The following OR4N5 variants were observed in gnomAD, a reference collection of about 807,000 sequenced individuals.
OR4N5 encodes the protein olfactory receptor family 4 subfamily N member 5, also known as olfactory receptor 4N5.
For missense variants in OR4N5, 428 were observed against 370.0 expected, an observed-to-expected ratio of 1.16 and a Z score of -1.29; for synonymous variants, 155 against 140.6, an observed-to-expected ratio of 1.10 and a Z score of -0.72.
Position 20,144,823 on chromosome 14 carries a change from A to G in OR4N5, c.*161A>G, listed in dbSNP as rs991234972. 6 of 594,800 alleles carry G rather than the reference A, an allele frequency of 1.0e-5. No homozygotes were observed. The highest frequency in any genetic ancestry group is 1.8e-5 in the Non-Finnish European group (6 of 337,730). The allele number at this position is 594,800 out of a possible 1,614,324, so 36.8% of individuals were successfully genotyped here. The stretch of plus-strand genomic sequence containing the variant: ...TTCCAGGCATATGAATGAGACAGGT[A>G]AGATTCCAGGTCTCCTAGATTTATA... On this transcript the variant is annotated 3_prime_UTR_variant, in exon 3 of 3. Coordinates refer to ENST00000641086, the MANE Select transcript of OR4N5 (RefSeq NM_001004724.2).
At chr14:20,139,939 A>C (rs1268611074) in intron 1 of OR4N5, among the ~76,000 whole-genome samples, 1 of 152,168 alleles carries the variant, frequency 6.6e-6, no homozygotes, top group Non-Finnish European at 1.5e-5. Flanking sequence ...AGTTAAAAAC[A>C]GACAAAACAT....
Position 20,144,864 on chromosome 14 carries a change from A to G in OR4N5, c.*202A>G, listed in dbSNP as rs1424186780. 3.6e-6 allele frequency: 2 copies of G among 549,098 alleles called. No individual in the cohort carries two copies. The highest frequency in any genetic ancestry group is 6.4e-6 in the Non-Finnish European group (2 of 311,224). 34.0% of individuals were successfully genotyped at this position (549,098 alleles called of 1,614,324 possible). On this transcript the variant is annotated 3_prime_UTR_variant, in exon 3 of 3. Coordinates refer to ENST00000641086, the MANE Select transcript of OR4N5 (RefSeq NM_001004724.2). Reference sequence around the variant, plus strand: ...TAGATTTATATTCAAGGGGATAAATACAGGTTATTAGATTTATTCAAGGGG... The same window carrying G: ...TAGATTTATATTCAAGGGGATAAATGCAGGTTATTAGATTTATTCAAGGGG...
intron 2 of OR4N5, among the ~76,000 whole-genome samples, chr14:20,142,125 T>C (rs1386228227): frequency 2.0e-5 from 3 of 151,980 alleles, no homozygotes; most frequent in Non-Finnish European, 2.9e-5. Context: ...ATCACAAATA[T>C]ATATATATAT....
rs1195267376 is a variant in OR4N5, at chr14:20,141,011, GAAGA to G, written c.-209_-206del. The G allele has an allele frequency of 6.6e-6, 1 of 152,096 alleles. No homozygotes were observed. The highest frequency in any genetic ancestry group is 1.5e-5 in the Non-Finnish European group (1 of 68,018). 9.4% of individuals were successfully genotyped at this position (152,096 alleles called of 1,614,324 possible). A position where few individuals can be genotyped will look rare whatever the true frequency, so the allele number is the denominator to read the frequency against. On this transcript the variant is annotated 5_prime_UTR_variant, in exon 2 of 3. An upstream open reading frame in the 5' UTR loses its in-frame stop. Coordinates refer to ENST00000641086, the MANE Select transcript of OR4N5 (RefSeq NM_001004724.2). ...GGTACATAAATGAGGACAAAGGAAA[GAAGA>G]AAAGTGGATTAAAGATGTTGAGTAA...
chr14:20,139,265 G>A (rs1387776091), intron 1 of OR4N5, among the ~76,000 whole-genome samples: 4 of 152,076 alleles, frequency 2.6e-5, no homozygotes, highest in African/African-American at 9.7e-5. Context: ...GGGAGGAAGA[G>A]TGAAGGAATC....
rs1340218438 is a variant in OR4N5, at chr14:20,144,778, C to T, written c.*116C>T. The T allele has an allele frequency of 3.0e-6, 2 of 675,318 alleles. No individual in the cohort carries two copies. Among genetic ancestry groups the T allele is most frequent in the East Asian group, 2.7e-5 (1 of 37,002 alleles). 41.8% of individuals were successfully genotyped at this position (675,318 alleles called of 1,614,324 possible). On this transcript the variant is annotated 3_prime_UTR_variant, in exon 3 of 3. Coordinates refer to ENST00000641086, the MANE Select transcript of OR4N5 (RefSeq NM_001004724.2). ...TAGCAAGTATTATAATTATTAAGTA[C>T]TTCCCATTTTCAGGCACTATTCCAG...
rs1878663006 is a variant in OR4N5, at chr14:20,143,746, A to G, written c.11A>G (p.Gln4Arg). The change falls in exon 3 of 3, where the codon CAG becomes CGG. Residue 4 changes from glutamine (Q) to arginine (R), a missense_variant. By Grantham distance (43) the Gln-to-Arg change is conservative (BLOSUM62 1). Coordinates refer to ENST00000641086, the MANE Select transcript of OR4N5 (RefSeq NM_001004724.2). ...GCAGAGTGAGAAATTATGGAAACAC[A>G]GAACCTCACAGTGGTGACAGAATTC... is the stretch of plus-strand genomic sequence containing the variant. METQNLTVVTEFIL... is the reference protein window; with the variant it reads METRNLTVVTEFIL... The G allele has an allele frequency of 6.2e-7, 1 of 1,604,718 alleles. No homozygotes were observed.
rs1207709533 is a variant in OR4N5 at position 20,144,583 on chromosome 14, A to G, written c.848A>G (p.Asn283Ser). The change falls in exon 3 of 3, where the codon AAC becomes AGC. Residue 283 changes from asparagine to serine, a missense_variant. Asn to Ser is a conservative substitution (Grantham distance 46). Transcript: ENST00000641086. ...CATACTGTCATCTTTCCTTTGATGA[A>G]CCCTGTTATTTATACGCTTCGCAAC... The part of the protein sequence containing the change: ...LFHTVIFPLM[N>S]PVIYTLRNQE... 3.7e-6 allele frequency: 6 copies of G among 1,613,756 alleles called. No individual in the cohort carries two copies. In the East Asian group the frequency reaches 6.7e-5, roughly 18 times the overall value.
intron 1 of OR4N5, among the ~76,000 whole-genome samples, chr14:20,139,259 G>A (rs1299302338): frequency 6.6e-6 from 1 of 152,052 alleles, no homozygotes; most frequent in African/African-American, 2.4e-5. Flanking sequence ...GGTAAAGGGA[G>A]GAAGAGTGAA....
rs1365891216 is a variant in OR4N5 at position 20,144,411 on chromosome 14, A to G, written c.676A>G (p.Arg226Gly). ...ASYAVILCRIREHSSEGKSKA... is the reference protein window; with the variant it reads ...ASYAVILCRIGEHSSEGKSKA... ...CTATGCAGTCATCCTCTGTCGTATA[A>G]GGGAGCACTCCTCTGAAGGAAAGAG... is the stretch of plus-strand genomic sequence containing the variant. Residue 226 changes from arginine to glycine, a missense_variant, in exon 3 of 3, where the codon AGG becomes GGG. Coordinates refer to ENST00000641086, the MANE Select transcript of OR4N5 (RefSeq NM_001004724.2). 1 of 1,613,870 alleles carries G rather than the reference A, an allele frequency of 6.2e-7. No individual in the cohort carries two copies. Among genetic ancestry groups the G allele is most frequent in the Non-Finnish European group, 8.5e-7 (1 of 1,179,962 alleles).
chr14:20,139,226 T>C (rs1878568908), intron 1 of OR4N5, among the ~76,000 whole-genome samples: 1 of 152,164 alleles, frequency 6.6e-6, no homozygotes, highest in Non-Finnish European at 1.5e-5. Context: ...AAATGACTGA[T>C]TTCATCTTTA....
At chr14:20,139,419 T>C (rs553238653) in intron 1 of OR4N5, among the ~76,000 whole-genome samples, 2 of 152,148 alleles carry the variant, frequency 1.3e-5, no homozygotes, top group East Asian at 3.9e-4. Flanking sequence ...AGGCTCAGAG[T>C]TAGCAATCCT....
At chr14:20,142,984 G>A (rs1337870394) in intron 2 of OR4N5, among the ~76,000 whole-genome samples, 1 of 152,208 alleles carries the variant, frequency 6.6e-6, no homozygotes, top group Non-Finnish European at 1.5e-5. Context: ...TGAAGAAGAA[G>A]TAGGTTATAG....
At position 20,144,714 on chromosome 14, in the gene OR4N5, A is replaced by T. The variant is rs563724545; in HGVS notation, c.*52A>T. 5 of 1,178,610 alleles carry T rather than the reference A, an allele frequency of 4.2e-6. No homozygotes were observed. In the East Asian group the frequency reaches 1.2e-4, roughly 28 times the overall value. 73.0% of individuals were successfully genotyped at this position (1,178,610 alleles called of 1,614,324 possible). A position where few individuals can be genotyped will look rare whatever the true frequency, so the allele number is the denominator to read the frequency against. On this transcript the variant is annotated 3_prime_UTR_variant, in exon 3 of 3. Transcript: ENST00000641086. ...GAGAAAGTCCAGTTGAATTTAGCTA[A>T]ATCATTTCCTCATTCATGCATTGAA...
chr14:20,141,381 C>T (rs999078198), intron 2 of OR4N5, among the ~76,000 whole-genome samples, 170 bp downstream of exon 2: 4 of 152,082 alleles, frequency 2.6e-5, no homozygotes, highest in African/African-American at 4.8e-5. Context: ...TTTCGGTTTT[C>T]TTAGATTCAC....
intron 1 of OR4N5, 104 bp from the exon 2 acceptor site, chr14:20,140,739 T>C (rs1051366517): frequency 6.6e-6 from 1 of 152,192 alleles, no homozygotes; most frequent in Non-Finnish European, 1.5e-5. Flanking sequence ...TCTATACGTA[T>C]ATATATATCT....
At position 20,143,755 on chromosome 14, in the gene OR4N5, C is replaced by T; in HGVS notation, c.20C>T (p.Thr7Ile). Residue 7 changes from threonine to isoleucine, a missense_variant, in exon 3 of 3, where the codon ACA becomes ATA. Transcript: ENST00000641086. ...GAAATTATGGAAACACAGAACCTCACAGTGGTGACAGAATTCATTCTTCTT... is the reference window on the plus strand; with the variant it reads ...GAAATTATGGAAACACAGAACCTCATAGTGGTGACAGAATTCATTCTTCTT... METQNLTVVTEFILLGL... is the reference protein window; with the variant it reads METQNLIVVTEFILLGL... The T allele has an allele frequency of 6.2e-7, 1 of 1,610,652 alleles. No individual in the cohort carries two copies. Among genetic ancestry groups the T allele is most frequent in the South Asian group, 1.1e-5 (1 of 90,596 alleles).
Position 20,144,408 on chromosome 14 carries a change from A to G in OR4N5, c.673A>G (p.Ile225Val). Reference protein sequence around the residue: ...LASYAVILCRIREHSSEGKSK... With the variant: ...LASYAVILCRVREHSSEGKSK... ...CTCCTATGCAGTCATCCTCTGTCGT[A>G]TAAGGGAGCACTCCTCTGAAGGAAA... is the stretch of plus-strand genomic sequence containing the variant. Residue 225 changes from isoleucine (I) to valine (V), a missense_variant, in exon 3 of 3, where the codon ATA becomes GTA. Physicochemically the swap from Ile to Val is conservative, Grantham distance 29. Transcript: ENST00000641086. The G allele has an allele frequency of 1.9e-6, 3 of 1,614,044 alleles. No homozygotes were observed. The highest frequency in any genetic ancestry group is 2.5e-6 in the Non-Finnish European group (3 of 1,179,968).
chr14:20,143,997 G>T lies in OR4N5; in HGVS notation c.262G>T (p.Glu88Ter). Residue 88 changes from glutamate (E) to a stop codon, truncating the protein, a stop_gained, in exon 3 of 3, where the codon GAG (glutamate) becomes TAG (stop). Coordinates refer to ENST00000641086, the MANE Select transcript of OR4N5 (RefSeq NM_001004724.2). LOFTEE classifies it low-confidence loss of function (END_TRUNC). Reference protein sequence around the residue: ...VPRMLVDFLSEKKVISYRSCI... With the variant: ...VPRMLVDFLS ...CAGGATGTTGGTGGACTTCCTCTCT[G>T]AGAAGAAGGTAATCTCCTATAGAAG... 6.2e-7 allele frequency: 1 copy of T among 1,614,044 alleles called. No individual in the cohort carries two copies. The highest frequency in any genetic ancestry group is 8.5e-7 in the Non-Finnish European group (1 of 1,179,970).
Sources: gnomAD v4.1 joint callset for allele counts (sites outside exome capture counted in the v4.1 genomes callset) on GRCh38, gnomAD v4.1.1 for gene constraint, MANE v1.5 for transcripts, NCBI Gene and HGNC (gene_info 2026-07-23, HGNC 2026-07-21) for gene names.